KMT2E: variants seen among roughly 807,000 people sequenced by gnomAD.
KMT2E encodes histone reader KMT2E.
Under a neutral mutation model 184.6 loss-of-function variants are expected in KMT2E, and 30 were observed. That is an observed-to-expected ratio of 0.16 (90% CI 0.12 to 0.22). The LOEUF (loss-of-function observed/expected upper bound fraction) is 0.22. Among genes scored for constraint, KMT2E ranks in the 10% least tolerant of loss-of-function variants. The probability of loss-of-function intolerance (pLI) is 1.00; values close to 1 mark genes in which losing one functional copy is unlikely to be tolerated. For synonymous variants in KMT2E, 815 were observed against 776.5 expected (o/e 1.05, Z -0.82); for missense variants, 2,023 against 2,237.4 (o/e 0.90, Z 1.93).
rs1794663190 is a variant in KMT2E at position 105,015,177 on chromosome 7, C to A, written c.-189+642C>A. On this transcript the variant is annotated intron_variant, in intron 1 of 26. Transcript: ENST00000311117. ...TCCTCCCCCACTCCTTTTGCATTAC[C>A]GCCGTCCTTTACTGTGCCGGAGCCT... is the stretch of plus-strand genomic sequence containing the variant. 5.9e-5 allele frequency among the ~76,000 whole-genome samples: 9 copies of A among 152,250 alleles called. No homozygotes were observed. In the South Asian group the frequency reaches 1.9e-3, roughly 32 times the overall value.
chr7:105,106,790 A>AG lies in KMT2E; in HGVS notation c.2847+19dup. On this transcript the variant is annotated intron_variant, in intron 20 of 26. Coordinates refer to ENST00000311117, the MANE Select transcript of KMT2E (RefSeq NM_182931.3). ...ACTTTGAGGTGAGAAATTTTAATGGAGAAAAAAAAATTCAACACTTGGGGG... is the reference window on the plus strand; with the variant it reads ...ACTTTGAGGTGAGAAATTTTAATGGAGGAAAAAAAAATTCAACACTTGGGGG... 1.9e-6 allele frequency: 3 copies of AG among 1,605,650 alleles called. No homozygotes were observed. The highest frequency in any genetic ancestry group is 2.6e-6 in the Non-Finnish European group (3 of 1,175,200).
At chr7:105,060,495 T>C (rs540888577) in intron 3 of KMT2E, among the ~76,000 whole-genome samples, 9 of 152,276 alleles carry the variant, frequency 5.9e-5, no homozygotes, top group East Asian at 1.9e-4. Flanking sequence ...GACATGATCA[T>C]AGCTCACTGT....
Position 105,077,050 on chromosome 7 carries a change from G to A in KMT2E, c.856G>A (p.Glu286Lys). The change falls in exon 10 of 27, where the codon GAA becomes AAA. Residue 286 changes from glutamate (E) to lysine (K), a missense_variant. Glu to Lys is a moderately conservative substitution (Grantham distance 56). Coordinates refer to ENST00000311117, the MANE Select transcript of KMT2E (RefSeq NM_182931.3). ...KIKAWMDRYEEANNNQYSEGV... is the reference protein window; with the variant it reads ...KIKAWMDRYEKANNNQYSEGV... ...CAAAGCATGGATGGATCGATATGAA[G>A]AAGCAAATAACAACCAGTACAGTGA... 6.2e-7 allele frequency: 1 copy of A among 1,613,962 alleles called. No homozygotes were observed. The highest frequency in any genetic ancestry group is 8.5e-7 in the Non-Finnish European group (1 of 1,179,978).
chr7:105,086,856 A>G (rs951771516), intron 13 of KMT2E, among the ~76,000 whole-genome samples: 3 of 147,070 alleles, frequency 2.0e-5, no homozygotes, highest in Non-Finnish European at 4.5e-5. Context: ...TATAGTATAT[A>G]TAATATATAT....
chr7:105,078,657 CTTTTTTTTTTTTT>C (rs71152940), intron 11 of KMT2E, among the ~76,000 whole-genome samples, 176 bp from the exon 12 acceptor site: 8 of 46,674 alleles, frequency 1.7e-4, no homozygotes, highest in Admixed American at 3.9e-4. Context: ...CATGCCTGGC[CTTTTTTTTTTTTT>C]TTTTTTTTTT....
At chr7:105,032,305 A>G (rs1393209940) in intron 1 of KMT2E, among the ~76,000 whole-genome samples, 1 of 151,972 alleles carries the variant, frequency 6.6e-6, no homozygotes, top group Non-Finnish European at 1.5e-5. Context: ...TTAGCTGGGC[A>G]TGGTGGCAGA....
At chr7:105,041,055 A>C in intron 3 of KMT2E, 32 bp downstream of exon 3, 1 of 1,345,786 alleles carries the variant, frequency 7.4e-7, no homozygotes, top group South Asian at 1.3e-5. Context: ...ATAAGCAAAA[A>C]AAAAAAAAAA....
intron 22 of KMT2E, chr7:105,108,702 T>C: frequency 2.1e-6 from 1 of 483,136 alleles, no homozygotes; most frequent in Non-Finnish European, 3.8e-6. Context: ...ATGGGGATGA[T>C]AATATACCTA....
At chr7:105,081,143 A>G (rs1797749472) in intron 12 of KMT2E, among the ~76,000 whole-genome samples, 1 of 152,098 alleles carries the variant, frequency 6.6e-6, no homozygotes, top group South Asian at 2.1e-4. Flanking sequence ...GCACTTGGGG[A>G]GGCCGAGGCC....
Position 105,067,113 on chromosome 7 carries a change from C to T in KMT2E, c.497+306C>T, listed in dbSNP as rs538697194. Reference sequence around the variant, plus strand: ...AAAGAAAAAAGGAGAATTAATGGATCACTGTGTTTCATCGATTCTAACATA... The same window carrying T: ...AAAGAAAAAAGGAGAATTAATGGATTACTGTGTTTCATCGATTCTAACATA... On this transcript the variant is annotated intron_variant, in intron 6 of 26. Transcript: ENST00000311117. Among the ~76,000 whole-genome samples the T allele has an allele frequency of 1.8e-3, 262 of 147,490 alleles. 1 individual carries two copies. The highest frequency in any genetic ancestry group is 5.6e-3 in the South Asian group (26 of 4,620).
intron 3 of KMT2E, among the ~76,000 whole-genome samples, chr7:105,060,190 T>C (rs1408921834): frequency 2.6e-5 from 4 of 151,706 alleles, no homozygotes; most frequent in Non-Finnish European, 5.9e-5. Flanking sequence ...AGATGGGTTT[T>C]CACCATCTTG....
chr7:105,113,995 A>AATT lies in KMT2E; in HGVS notation c.*663_*665dup. ...GAAAGTAGTACAGTATATGACCTTT[A>AATT]ATTTCTTTTTTATTTTAAATATACT... On this transcript the variant is annotated 3_prime_UTR_variant, in exon 27 of 27. Transcript: ENST00000311117. 6.5e-6 allele frequency: 1 copy of AATT among 152,738 alleles called. No homozygotes were observed. The highest frequency in any genetic ancestry group is 2.4e-5 in the African/African-American group (1 of 41,530). 9.5% of individuals were successfully genotyped at this position (152,738 alleles called of 1,614,324 possible). A position where few individuals can be genotyped will look rare whatever the true frequency, so the allele number is the denominator to read the frequency against.
intron 1 of KMT2E, among the ~76,000 whole-genome samples, chr7:105,023,471 G>A (rs557135154): frequency 6.9e-5 from 10 of 144,216 alleles, no homozygotes; most frequent in South Asian, 4.4e-4. Context: ...TTGAGATGGA[G>A]TGTCGCTCTG....
At chr7:105,096,671 T>C (rs1798425460) in intron 15 of KMT2E, among the ~76,000 whole-genome samples, 1 of 152,196 alleles carries the variant, frequency 6.6e-6, no homozygotes. Context: ...GGCAAAAAAG[T>C]AGACCATCAA....
rs1163982347 is a variant in KMT2E, at chr7:105,109,211, T to C, written c.3738T>C (p.Asn1246=). 2 of 1,613,744 alleles carry C rather than the reference T, an allele frequency of 1.2e-6. No homozygotes were observed. The highest frequency in any genetic ancestry group is 1.7e-6 in the Non-Finnish European group (2 of 1,179,886). Residue 1246 remains asparagine (N), a synonymous_variant, in exon 23 of 27, where the codon AAT becomes AAC. Transcript: ENST00000311117. The stretch of plus-strand genomic sequence containing the variant: ...AGGATGCTACTGCTAGTGAGAAGAA[T>C]GAACCAGAAGTTCAATGGTAAGCCC... ...PVKDATASEK[N]EPEVQWTAST...
intron 17 of KMT2E, 95 bp downstream of exon 17, chr7:105,102,289 T>A: frequency 1.0e-6 from 1 of 999,744 alleles, no homozygotes; most frequent in Non-Finnish European, 1.4e-6. Context: ...GACCTCATAA[T>A]AATAAGAGGC....
In KMT2E at chr7:105,106,113, A is replaced by G. The variant is rs1798888633; in HGVS notation, c.2596+110A>G. 6.4e-6 allele frequency: 7 copies of G among 1,094,602 alleles called. No homozygotes were observed. In the East Asian group the frequency reaches 7.3e-5, roughly 11 times the overall value. The allele number at this position is 1,094,602 out of a possible 1,614,324, so 67.8% of individuals were successfully genotyped here. ...GGTATGCACTTTAGAAGAGAAGCACATTGGTGTATAGATTTTCTCTTTTCT... is the reference window on the plus strand; with the variant it reads ...GGTATGCACTTTAGAAGAGAAGCACGTTGGTGTATAGATTTTCTCTTTTCT... On this transcript the variant is annotated intron_variant, in intron 19 of 26. Transcript: ENST00000311117.
At chr7:105,041,698 C>T (rs887425298) in intron 3 of KMT2E, among the ~76,000 whole-genome samples, 2 of 152,082 alleles carry the variant, frequency 1.3e-5, no homozygotes, top group Non-Finnish European at 2.9e-5. Flanking sequence ...TGCGCTCAGC[C>T]GGTGCTCGGG....
chr7:105,098,173 T>C (rs1039324699), intron 15 of KMT2E, among the ~76,000 whole-genome samples: 1 of 152,126 alleles, frequency 6.6e-6, no homozygotes, highest in African/African-American at 2.4e-5. Context: ...TTAATTTCTC[T>C]ATTTCAAGAC....
Sources: gnomAD v4.1 joint callset for allele counts (sites outside exome capture counted in the v4.1 genomes callset) on GRCh38, gnomAD v4.1.1 for gene constraint, MANE v1.5 for transcripts, NCBI Gene and HGNC (gene_info 2026-07-23, HGNC 2026-07-21) for gene names.